ODAD2: variants seen among roughly 807,000 people sequenced by gnomAD.
ODAD2 encodes the protein outer dynein arm docking complex subunit 2.
ODAD2 carries 89 observed loss-of-function variants against 106.8 expected under a neutral mutation model. The observed-to-expected ratio is 0.83, with a 90% CI of 0.70 to 0.99. The LOEUF (loss-of-function observed/expected upper bound fraction) is 0.99. Ranked by LOEUF, ODAD2 falls within the 50% of genes least tolerant of loss-of-function variation. ODAD2 has a pLI of 0.00. For synonymous variants in ODAD2, 404 were observed against 436.2 expected, an observed-to-expected ratio of 0.93 and a Z score of 0.92; for missense variants, 1,168 against 1,238.5, an observed-to-expected ratio of 0.94 and a Z score of 0.85.
rs905679901 is a variant in ODAD2, at chr10:27,974,844, G to A, written c.937-3531C>T. Reference sequence around the variant, plus strand: ...ATTGCTTTGGGCAGTATGGCCATTTGAGTGATATTTACTCTTTCAATCCAT... The same window carrying A: ...ATTGCTTTGGGCAGTATGGCCATTTAAGTGATATTTACTCTTTCAATCCAT... On this transcript the variant is annotated intron_variant, in intron 7 of 19. Coordinates refer to ENST00000305242, the MANE Select transcript of ODAD2 (RefSeq NM_018076.5). 2.0e-5 allele frequency among the ~76,000 whole-genome samples: 3 copies of A among 151,996 alleles called. No homozygotes were observed. The East Asian group carries it at 5.8e-4, about 29-fold the overall frequency.
chr10:27,921,178 C>T (rs895785836), intron 16 of ODAD2, among the ~76,000 whole-genome samples: 3 of 151,714 alleles, frequency 2.0e-5, no homozygotes, highest in Non-Finnish European at 4.4e-5. Flanking sequence ...CCTTAATTTC[C>T]TTGATCTAAA....
chr10:27,858,831 T>C (rs1839841559), intron 19 of ODAD2, among the ~76,000 whole-genome samples: 1 of 129,210 alleles, frequency 7.7e-6, no homozygotes, highest in Admixed American at 9.4e-5. Context: ...TGAGACAGAG[T>C]CTCGCTCTAT....
At chr10:27,820,300 C>T (rs1836499643) in intron 19 of ODAD2, among the ~76,000 whole-genome samples, 1 of 151,980 alleles carries the variant, frequency 6.6e-6, no homozygotes, top group Non-Finnish European at 1.5e-5. Context: ...TTCGCCCATC[C>T]TCCCTCAGAC....
At chr10:27,936,623 C>A in intron 15 of ODAD2, 103 bp downstream of exon 15, 1 of 1,272,080 alleles carries the variant, frequency 7.9e-7, no homozygotes, top group South Asian at 1.2e-5. Flanking sequence ...TGTACATCTA[C>A]AACTAACATT....
At position 27,838,259 on chromosome 10, in the gene ODAD2, T is replaced by G. The variant is rs142922886; in HGVS notation, c.3021+22366A>C. ...AAGTCTGAAATACCATTATTAGTAG[T>G]AGTAATTCTTACATTTAGCATCTGT... On this transcript the variant is annotated intron_variant, in intron 19 of 19. Coordinates refer to ENST00000305242, the MANE Select transcript of ODAD2 (RefSeq NM_018076.5). 7.2e-4 allele frequency among the ~76,000 whole-genome samples: 109 copies of G among 152,346 alleles called. 1 individual carries two copies. Among genetic ancestry groups the G allele is most frequent in the African/African-American group, 2.3e-3 (96 of 41,580 alleles).
rs201275479 is a variant in ODAD2, at chr10:27,987,431, T to C, written c.337A>G (p.Ile113Val). The C allele has an allele frequency of 1.9e-6, 3 of 1,613,706 alleles. No homozygotes were observed. In the East Asian group the frequency reaches 6.7e-5, roughly 36 times the overall value. ...TCCTTCAACTTCCCAGTTTTGGCAA[T>C]AAGTAACAAGCGTGACAGCTGCCCA... ...SFGQLSRLLL[I>V]AKTGKLKEAQ... The change falls in exon 3 of 20, where the codon ATT (isoleucine) becomes GTT (valine). Residue 113 changes from isoleucine (I) to valine (V), a missense_variant. Ile to Val is a conservative substitution (Grantham distance 29). Around this residue, in one of 3 missense-constraint regions of ODAD2, gnomAD observed 430 missense variants for 452.2 expected, o/e 0.95. Coordinates refer to ENST00000305242, the MANE Select transcript of ODAD2 (RefSeq NM_018076.5).
chr10:27,829,128 T>A (rs2132970257), intron 19 of ODAD2, among the ~76,000 whole-genome samples: 1 of 152,158 alleles, frequency 6.6e-6, no homozygotes, highest in African/African-American at 2.4e-5. Context: ...AGAAACAAAA[T>A]CCTTTTGTTA....
intron 1 of ODAD2, among the ~76,000 whole-genome samples, chr10:27,997,928 TG>T (rs1357689059): frequency 3.9e-5 from 6 of 152,344 alleles, no homozygotes; most frequent in African/African-American, 1.4e-4. Context: ...AAAAAAGTTT[TG>T]GTTACGTGTT....
rs1352346241 is a variant in ODAD2, at chr10:27,995,164, T to C, written c.-22A>G. The C allele has an allele frequency of 6.2e-7, 1 of 1,613,828 alleles. No homozygotes were observed. Among genetic ancestry groups the C allele is most frequent in the East Asian group, 2.2e-5 (1 of 44,874 alleles). On this transcript the variant is annotated 5_prime_UTR_variant, in exon 2 of 20. Coordinates refer to ENST00000305242, the MANE Select transcript of ODAD2 (RefSeq NM_018076.5). ...CCATGGGATCCACCGTGCTCAGACC[T>C]GAGCTTAGCACACGCACTACATCAG...
chr10:27,817,584 C>A (rs911085210), intron 19 of ODAD2, among the ~76,000 whole-genome samples: 1 of 152,086 alleles, frequency 6.6e-6, no homozygotes, highest in Non-Finnish European at 1.5e-5. Flanking sequence ...TGAGAACATG[C>A]AGTTTTGACT....
At chr10:27,914,133 G>A (rs748480458) in intron 16 of ODAD2, among the ~76,000 whole-genome samples, 44 of 151,916 alleles carry the variant, frequency 2.9e-4, no homozygotes, top group Non-Finnish European at 5.6e-4. Flanking sequence ...ACAAACCATG[G>A]AGTACTACAC....
intron 8 of ODAD2, among the ~76,000 whole-genome samples, chr10:27,970,077 G>A (rs1488639888): frequency 6.6e-6 from 1 of 151,122 alleles, no homozygotes; most frequent in African/African-American, 2.4e-5. Flanking sequence ...CTGCAGCCTG[G>A]GTGACAGCGA....
chr10:27,927,726 C>T (rs1845348622), intron 16 of ODAD2, among the ~76,000 whole-genome samples: 1 of 152,030 alleles, frequency 6.6e-6, no homozygotes, highest in Non-Finnish European at 1.5e-5. Flanking sequence ...TTTTCTATAA[C>T]TCACTCTTCT....
intron 17 of ODAD2, among the ~76,000 whole-genome samples, chr10:27,885,712 TATTA>T (rs1842116129): frequency 4.9e-5 from 2 of 40,900 alleles, no homozygotes; most frequent in African/African-American, 1.5e-4. Context: ...ATAAAATATA[TATTA>T]TATATTATAT....
chr10:27,986,909 A>G (rs1403448301), intron 3 of ODAD2, among the ~76,000 whole-genome samples: 1 of 152,264 alleles, frequency 6.6e-6, no homozygotes, highest in Non-Finnish European at 1.5e-5. Context: ...AGAAAAGTGG[A>G]AAGGGAGACT....
chr10:27,938,092 C>G (rs2134114197), intron 14 of ODAD2, among the ~76,000 whole-genome samples: 1 of 152,214 alleles, frequency 6.6e-6, no homozygotes, highest in African/African-American at 2.4e-5. Flanking sequence ...TACACCACCA[C>G]ACCTGGCTAA....
chr10:27,906,407 TTGG>T (rs1843591820), intron 17 of ODAD2, among the ~76,000 whole-genome samples: 2 of 152,174 alleles, frequency 1.3e-5, no homozygotes, highest in Admixed American at 6.5e-5. Context: ...TTTTACACTG[TTGG>T]TGGGAGTGTA....
chr10:27,915,938 G>A (rs1233514856), intron 16 of ODAD2, among the ~76,000 whole-genome samples: 2 of 152,142 alleles, frequency 1.3e-5, no homozygotes, highest in Non-Finnish European at 2.9e-5. Flanking sequence ...AGCCAACAAG[G>A]TTGTTTTAAT....
chr10:27,841,288 C>G (rs1564416004), intron 19 of ODAD2, among the ~76,000 whole-genome samples: 1 of 152,160 alleles, frequency 6.6e-6, no homozygotes, highest in Admixed American at 6.5e-5. Context: ...TTCCTGTTCC[C>G]TTAATCTCTC....
Sources: allele counts gnomAD v4.1 joint callset (sites outside exome capture counted in the v4.1 genomes callset), GRCh38; gene constraint gnomAD v4.1.1; regional missense constraint gnomAD v4.1.1; transcripts MANE v1.5; gene names NCBI Gene and HGNC (gene_info 2026-07-23, HGNC 2026-07-21).